Variants in TRAP1 observed in about 807,000 individuals in gnomAD.
TRAP1 encodes TNF receptor associated protein 1, also known as heat shock protein 75 kDa, mitochondrial.
Under a neutral mutation model 89.1 loss-of-function variants are expected in TRAP1, and 102 were observed. The ratio of observed to expected loss-of-function variants is 1.15; its 90% CI spans 0.98 to 1.35. TRAP1 has a LOEUF of 1.35. Among genes scored for constraint, TRAP1 ranks in the 40% most tolerant of loss-of-function variants. TRAP1 has a pLI of 0.00. For missense variants in TRAP1, 1,256 were observed against 945.3 expected, an observed-to-expected ratio of 1.33 and a Z score of -4.31; for synonymous variants, 508 against 388.0, an observed-to-expected ratio of 1.31 and a Z score of -3.64.
At chr16:3,702,258 A>G (rs957593617) in intron 1 of TRAP1, among the ~76,000 whole-genome samples, 1 of 151,794 alleles carries the variant, frequency 6.6e-6, no homozygotes. Flanking sequence ...CCAAGGCCCA[A>G]TGACTAGACT....
chr16:3,693,141 G>C (rs552029644), intron 1 of TRAP1, among the ~76,000 whole-genome samples: 1 of 151,306 alleles, frequency 6.6e-6, no homozygotes, highest in East Asian at 2.0e-4. Context: ...TAGAGACGAG[G>C]TTTCACCTTA....
At chr16:3,679,848 G>A in intron 4 of TRAP1, 58 bp from the exon 5 acceptor site, 2 of 1,561,788 alleles carry the variant, frequency 1.3e-6, no homozygotes, top group Non-Finnish European at 8.8e-7. Context: ...CCGGGTGAGT[G>A]CACCAGCAGT....
intron 4 of TRAP1, among the ~76,000 whole-genome samples, chr16:3,682,314 G>A (rs1022070227): frequency 1.4e-4 from 21 of 150,666 alleles, no homozygotes; most frequent in African/African-American, 5.1e-4. Flanking sequence ...ACTTTGGAAG[G>A]TCAAGGTGGG....
intron 12 of TRAP1, 53 bp downstream of exon 12, chr16:3,665,918 C>G (rs1467586548): frequency 6.3e-7 from 1 of 1,575,486 alleles, no homozygotes; most frequent in Non-Finnish European, 8.6e-7. Context: ...GCTTCCTCAG[C>G]AGCCCCAGGG....
chr16:3,691,934 A>G (rs1004266561), intron 1 of TRAP1, among the ~76,000 whole-genome samples: 31 of 152,156 alleles, frequency 2.0e-4, no homozygotes, highest in African/African-American at 7.2e-4. Flanking sequence ...AAAGCAGCCA[A>G]TGTGTCCCCA....
chr16:3,699,814 A>C (rs2051340959), intron 1 of TRAP1, among the ~76,000 whole-genome samples: 1 of 151,386 alleles, frequency 6.6e-6, no homozygotes, highest in East Asian at 1.9e-4. Flanking sequence ...ACTGCAGGTA[A>C]GCACCATCAC....
chr16:3,705,327 C>G (rs2151280980), intron 1 of TRAP1, among the ~76,000 whole-genome samples: 1 of 152,194 alleles, frequency 6.6e-6, no homozygotes, highest in Admixed American at 6.5e-5. Context: ...CATCGGCCTC[C>G]CAAAGTGCTG....
chr16:3,680,073 A>G, intron 4 of TRAP1: 1 of 311,496 alleles, frequency 3.2e-6, no homozygotes. Flanking sequence ...CTACTAAAAA[A>G]GAAATTAGCC....
chr16:3,705,452 G>C (rs1389299081), intron 1 of TRAP1, among the ~76,000 whole-genome samples: 1 of 152,010 alleles, frequency 6.6e-6, no homozygotes, highest in Admixed American at 6.6e-5. Flanking sequence ...CCAGCTCTTG[G>C]CAACTACTCA....
In TRAP1 at chr16:3,663,261, G is replaced by A. The variant is rs2050729865; in HGVS notation, c.1708+163C>T. ...CAGACCCCTGATATCTAAACCAGGA[G>A]GCACCTTCCTCCAGTCACCAGGGTG... On this transcript the variant is annotated intron_variant, in intron 14 of 17. Transcript: ENST00000246957. 6.6e-6 allele frequency: 6 copies of A among 902,788 alleles called. No individual in the cohort carries two copies. In the East Asian group the frequency reaches 7.8e-5, roughly 12 times the overall value. 55.9% of individuals were successfully genotyped at this position (902,788 alleles called of 1,614,324 possible).
At chr16:3,666,214 A>G (rs1242063293) in intron 11 of TRAP1, 96 bp from the exon 12 acceptor site, 2 of 1,424,936 alleles carry the variant, frequency 1.4e-6, no homozygotes, top group Non-Finnish European at 1.9e-6. Flanking sequence ...GCTAAGAATC[A>G]AAGAAGTGAA....
chr16:3,659,096 A>AT (rs2042911762), intron 16 of TRAP1: 1 of 515,514 alleles, frequency 1.9e-6, no homozygotes, highest in East Asian at 3.3e-5. Context: ...AAACTCCAAG[A>AT]TTAATATACA....
intron 4 of TRAP1, among the ~76,000 whole-genome samples, chr16:3,681,152 A>T (rs908988207): frequency 1.3e-5 from 2 of 152,104 alleles, no homozygotes; most frequent in Admixed American, 6.5e-5. Flanking sequence ...AGACCACCTT[A>T]AATAAAAGAG....
intron 5 of TRAP1, 72 bp downstream of exon 5, chr16:3,679,647 G>C: frequency 6.6e-7 from 1 of 1,525,882 alleles, no homozygotes; most frequent in Non-Finnish European, 9.1e-7. Context: ...CTGGCACCCA[G>C]GGCCACCCCT....
At chr16:3,677,363 A>G (rs2151257912) in intron 6 of TRAP1, 135 bp downstream of exon 6, 1 of 1,217,286 alleles carries the variant, frequency 8.2e-7, no homozygotes. Context: ...ACTCCCCAAA[A>G]TGGGAGAGTC....
chr16:3,667,469 CA>C (rs1270116773), intron 11 of TRAP1, among the ~76,000 whole-genome samples: 1 of 151,348 alleles, frequency 6.6e-6, no homozygotes, highest in Non-Finnish European at 1.5e-5. Context: ...ACTAAAAATA[CA>C]AAAAATTACC....
chr16:3,700,763 G>C (rs953390611), intron 1 of TRAP1, among the ~76,000 whole-genome samples: 1 of 152,128 alleles, frequency 6.6e-6, no homozygotes, highest in Non-Finnish European at 1.5e-5. Flanking sequence ...ACCGCACCTG[G>C]CCAAGGGTGC....
intron 9 of TRAP1, among the ~76,000 whole-genome samples, chr16:3,673,122 G>A (rs1596710760): frequency 6.6e-6 from 1 of 152,314 alleles, no homozygotes; most frequent in East Asian, 1.9e-4. Context: ...CTTGCTACAG[G>A]TCAGGGATCA....
chr16:3,667,019 C>G (rs1391154022), intron 11 of TRAP1, among the ~76,000 whole-genome samples: 2 of 152,196 alleles, frequency 1.3e-5, no homozygotes, highest in Non-Finnish European at 2.9e-5. Flanking sequence ...CACTCCATCC[C>G]CAGTGACTCA....
Sources: gnomAD v4.1 joint callset for allele counts (sites outside exome capture counted in the v4.1 genomes callset) on GRCh38, gnomAD v4.1.1 for gene constraint, MANE v1.5 for transcripts, NCBI Gene and HGNC (gene_info 2026-07-23, HGNC 2026-07-21) for gene names.